SYN3: variants seen among roughly 807,000 people sequenced by gnomAD.
The protein encoded by SYN3 is synapsin III, also known as synapsin-3.
SYN3 carries 35 observed loss-of-function variants against 65.8 expected under a neutral mutation model. That is an observed-to-expected ratio of 0.53 (90% confidence interval 0.41 to 0.70). The LOEUF is 0.70. Ranked by LOEUF, SYN3 falls within the 30% of genes least tolerant of loss-of-function variation. The pLI, the probability that SYN3 is intolerant of heterozygous loss-of-function variation, is 0.00. For missense variants in SYN3, 680 were observed against 749.0 expected, an observed-to-expected ratio of 0.91 and a Z score of 1.08; for synonymous variants, 270 against 292.9, an observed-to-expected ratio of 0.92 and a Z score of 0.80.
chr22:32,520,614 T>C (rs1300454185), intron 12 of SYN3, among the ~76,000 whole-genome samples: 1 of 152,200 alleles, frequency 6.6e-6, no homozygotes, highest in Non-Finnish European at 1.5e-5. Flanking sequence ...TCATAACATC[T>C]TTATTGCTAA....
At chr22:32,841,318 G>T (rs2047894829) in intron 6 of SYN3, among the ~76,000 whole-genome samples, 1 of 152,186 alleles carries the variant, frequency 6.6e-6, no homozygotes. Context: ...GTCTGATAGA[G>T]CACAGTGTCA....
intron 6 of SYN3, among the ~76,000 whole-genome samples, chr22:32,679,839 C>CTTTGTTTTTTTTTTTTTTT (rs2060497624): frequency 2.6e-5 from 1 of 39,150 alleles, no homozygotes; most frequent in Non-Finnish European, 4.6e-5. Context: ...TGTTTTTTGG[C>CTTTGTTTTTTTTTTTTTTT]TTTTTTTTTT....
chr22:32,661,095 C>G (rs978431943), intron 6 of SYN3, among the ~76,000 whole-genome samples: 1 of 152,206 alleles, frequency 6.6e-6, no homozygotes, highest in Non-Finnish European at 1.5e-5. Context: ...CTAGTGCCCA[C>G]CAGAGAAAAC....
At chr22:32,830,119 G>A (rs758020401) in intron 6 of SYN3, among the ~76,000 whole-genome samples, 10 of 152,152 alleles carry the variant, frequency 6.6e-5, no homozygotes, top group South Asian at 4.1e-4. Flanking sequence ...GAGCTTGCAC[G>A]GCCCATATGG....
At chr22:33,032,253 A>C (rs1027784856) in intron 1 of SYN3, among the ~76,000 whole-genome samples, 6 of 149,250 alleles carry the variant, frequency 4.0e-5, no homozygotes, top group Non-Finnish European at 7.4e-5. Flanking sequence ...CACACCTGTA[A>C]TCCCAGCACT....
chr22:32,635,237 G>A (rs1245850209), intron 6 of SYN3: 1 of 152,148 alleles, frequency 6.6e-6, no homozygotes, highest in Admixed American at 6.5e-5. Context: ...CTATCTGTCT[G>A]TCTGTCTATC....
chr22:32,717,864 G>A (rs1159611691), intron 6 of SYN3, among the ~76,000 whole-genome samples: 2 of 152,146 alleles, frequency 1.3e-5, no homozygotes, highest in Non-Finnish European at 2.9e-5. Flanking sequence ...CTGCATGGAG[G>A]CCTGGTATGG....
chr22:32,561,490 T>C (rs762761954), intron 7 of SYN3, among the ~76,000 whole-genome samples: 21 of 152,294 alleles, frequency 1.4e-4, no homozygotes, highest in Admixed American at 7.8e-4. Flanking sequence ...TTTGTCACTC[T>C]GGAGGGACTT....
intron 11 of SYN3, 135 bp downstream of exon 11, chr22:32,528,739 G>A (rs2058022875): frequency 7.8e-6 from 10 of 1,286,664 alleles, no homozygotes; most frequent in African/African-American, 4.5e-5. Flanking sequence ...TCTGGCCTTC[G>A]TCCACACCCC....
chr22:32,703,568 C>T (rs1243054294), intron 6 of SYN3, among the ~76,000 whole-genome samples: 1 of 150,422 alleles, frequency 6.6e-6, no homozygotes, highest in Non-Finnish European at 1.5e-5. Context: ...ACCCGGGAGG[C>T]GGAGCTTGCA....
At chr22:32,967,046 G>C (rs2051867967) in intron 3 of SYN3, among the ~76,000 whole-genome samples, 1 of 152,210 alleles carries the variant, frequency 6.6e-6, no homozygotes, top group Non-Finnish European at 1.5e-5. Context: ...CTGGAGAATG[G>C]GGGAACTCAT....
intron 7 of SYN3, among the ~76,000 whole-genome samples, chr22:32,550,317 T>C (rs1014975461): frequency 6.0e-5 from 9 of 150,694 alleles, no homozygotes; most frequent in African/African-American, 1.7e-4. Flanking sequence ...AACAGCCTGA[T>C]CAGTAATTGG....
chr22:32,789,348 A>G (rs2046268424), intron 6 of SYN3, among the ~76,000 whole-genome samples: 1 of 152,108 alleles, frequency 6.6e-6, no homozygotes, highest in Admixed American at 6.5e-5. Context: ...TTGAGGCAAA[A>G]AGCAGTTCCA....
intron 12 of SYN3, among the ~76,000 whole-genome samples, chr22:32,521,667 C>T (rs910004137): frequency 1.5e-4 from 23 of 151,888 alleles, no homozygotes; most frequent in African/African-American, 2.2e-4. Context: ...AGGCTGGTCT[C>T]GAACTCCTGA....
intron 4 of SYN3, among the ~76,000 whole-genome samples, chr22:32,903,265 C>T (rs1170346499): frequency 2.0e-5 from 3 of 152,070 alleles, no homozygotes; most frequent in Non-Finnish European, 4.4e-5. Context: ...GTTTTGAAGA[C>T]TAAATTAATT....
chr22:32,894,673 C>A (rs1271789181), intron 4 of SYN3, among the ~76,000 whole-genome samples: 1 of 152,194 alleles, frequency 6.6e-6, no homozygotes, highest in Non-Finnish European at 1.5e-5. Flanking sequence ...CTTGACTGGG[C>A]TACAGGTGTT....
chr22:33,024,912 C>T (rs755822482), intron 1 of SYN3, among the ~76,000 whole-genome samples: 2 of 152,246 alleles, frequency 1.3e-5, no homozygotes, highest in Middle Eastern at 3.4e-3. Flanking sequence ...TAAAGAATGT[C>T]GAGTGATTTA....
chr22:33,034,852 C>A (rs1340305951), intron 1 of SYN3, among the ~76,000 whole-genome samples: 3 of 152,142 alleles, frequency 2.0e-5, no homozygotes, highest in African/African-American at 7.2e-5. Flanking sequence ...AGCCCTTCAA[C>A]CACTATGATA....
chr22:32,589,256 C>G (rs1372962195), intron 7 of SYN3, among the ~76,000 whole-genome samples: 2 of 152,328 alleles, frequency 1.3e-5, no homozygotes, highest in East Asian at 3.9e-4. Flanking sequence ...CTTGCCTGCT[C>G]TGCATCAACA....
Sources: allele counts gnomAD v4.1 joint callset (sites outside exome capture counted in the v4.1 genomes callset), GRCh38; gene constraint gnomAD v4.1.1; transcripts MANE v1.5; gene names NCBI Gene and HGNC (gene_info 2026-07-23, HGNC 2026-07-21).